Variants in MMP12 observed in about 807,000 individuals in gnomAD.
MMP12 encodes macrophage metalloelastase.
Under a neutral mutation model 45.2 loss-of-function variants are expected in MMP12, and 51 were observed. The ratio of observed to expected loss-of-function variants is 1.13; its 90% CI spans 0.90 to 1.42. MMP12 has a LOEUF of 1.42. Ranked by LOEUF, MMP12 falls within the 40% of genes most tolerant of loss-of-function variation. MMP12 has a pLI of 0.00. For synonymous variants in MMP12, 210 were observed against 193.3 expected (o/e 1.09, Z -0.72); for missense variants, 530 against 570.8 (o/e 0.93, Z 0.73).
chr11:102,872,474 G>A (rs1859517444), intron 2 of MMP12, among the ~76,000 whole-genome samples: 1 of 152,012 alleles, frequency 6.6e-6, no homozygotes, highest in South Asian at 2.1e-4. Flanking sequence ...CTGAGTAGCT[G>A]GGACTACAGG....
rs782451057 is a variant in MMP12 at position 102,873,090 on chromosome 11, C to T, written c.125G>A (p.Gly42Asp). The part of the protein sequence containing the change: ...FGERYLEKFY[G>D]LEINKLPVTK... ...CACTGGAAGTTTGTTTATCTCAAGGCCATAAAATTTTTCTAAGTATCTCTG... is the reference window on the plus strand; with the variant it reads ...CACTGGAAGTTTGTTTATCTCAAGGTCATAAAATTTTTCTAAGTATCTCTG... The change falls in exon 2 of 10, where the codon GGC (glycine) becomes GAC (aspartate). Residue 42 changes from glycine to aspartate, a missense_variant. Transcript: ENST00000571244. 2 of 1,611,794 alleles carry T rather than the reference C, an allele frequency of 1.2e-6. No homozygotes were observed. Among genetic ancestry groups the T allele is most frequent in the Non-Finnish European group, 1.7e-6 (2 of 1,179,074 alleles).
chr11:102,873,314 T>C (rs570990180), intron 1 of MMP12, among the ~76,000 whole-genome samples: 7 of 152,246 alleles, frequency 4.6e-5, no homozygotes, highest in African/African-American at 1.4e-4. Flanking sequence ...ATCAAAGACA[T>C]GTCAGCCAGG....
At chr11:102,866,265 A>C in intron 7 of MMP12, 50 bp downstream of exon 7, 2 of 1,492,522 alleles carry the variant, frequency 1.3e-6, no homozygotes, top group East Asian at 2.4e-5. Flanking sequence ...TTCTCAATTT[A>C]TTCTCTTCCT....
chr11:102,866,344 T>A lies in MMP12; in HGVS notation c.1016A>T (p.Glu339Val), dbSNP rs199854353. ...AAAAAGAAAAACTTGATTTCTGGCT[T>A]CAATTTCATAAGCAGCTTCAATGCC... is the stretch of plus-strand genomic sequence containing the variant. ...PSGIEAAYEI[E>V]ARNQVFLFKD... The change falls in exon 7 of 10, where the codon GAA becomes GTA. Residue 339 changes from glutamate (E) to valine (V), a missense_variant. Transcript: ENST00000571244. 1.7e-5 allele frequency: 27 copies of A among 1,592,082 alleles called. No individual in the cohort carries two copies. The South Asian group carries it at 3.1e-4, about 18-fold the overall frequency.
At chr11:102,864,523 G>A (rs1184370725) in intron 8 of MMP12, among the ~76,000 whole-genome samples, 1 of 152,102 alleles carries the variant, frequency 6.6e-6, no homozygotes, top group East Asian at 1.9e-4. Context: ...GGCATAGAAG[G>A]TGATTTGGCA....
chr11:102,870,635 A>C (rs576114682), intron 4 of MMP12, among the ~76,000 whole-genome samples: 1 of 152,166 alleles, frequency 6.6e-6, no homozygotes, highest in South Asian at 2.1e-4. Context: ...CATGCTAGTG[A>C]TTCCTCTAAA....
In MMP12 at chr11:102,865,685, G is replaced by C; in HGVS notation, c.1205+91C>G. On this transcript the variant is annotated intron_variant, in intron 8 of 9. Transcript: ENST00000571244. This position sits in a 1 kb window ranked among gnomAD's most constrained non-coding sequence, Gnocchi z 4.1. ...TCCCTGGAAGGTCAAGGAGCTTTGG[G>C]AATTTGCGCAGAAAATGTGCCTTCT... is the stretch of plus-strand genomic sequence containing the variant. 1 of 1,063,098 alleles carries C rather than the reference G, an allele frequency of 9.4e-7. No individual in the cohort carries two copies. The highest frequency in any genetic ancestry group is 1.3e-6 in the Non-Finnish European group (1 of 760,452). 65.9% of individuals were successfully genotyped at this position (1,063,098 alleles called of 1,614,324 possible). A position where few individuals can be genotyped will look rare whatever the true frequency, so the allele number is the denominator to read the frequency against.
intron 4 of MMP12, among the ~76,000 whole-genome samples, chr11:102,868,736 C>T (rs1406491753): frequency 6.6e-6 from 1 of 151,886 alleles, no homozygotes; most frequent in African/African-American, 2.4e-5. Context: ...AGTGCTTGAG[C>T]CAAGATTAAT....
At chr11:102,868,165 T>A in intron 4 of MMP12, 96 bp from the exon 5 acceptor site, 2 of 1,114,290 alleles carry the variant, frequency 1.8e-6, no homozygotes, top group South Asian at 1.5e-5. Flanking sequence ...GATTTGAGAA[T>A]CTTTTACTTA....
Position 102,864,221 on chromosome 11 carries a change from C to A in MMP12, c.1237G>T (p.Gly413Cys), listed in dbSNP as rs372537387. ...YDERRQMMDP[G>C]YPKLITKNFQ... ...TTCTTGGTAATCAGTTTGGGATAACCAGGGTCCATCATCTGTCTCCTTTCA... is the reference window on the plus strand; with the variant it reads ...TTCTTGGTAATCAGTTTGGGATAACAAGGGTCCATCATCTGTCTCCTTTCA... Residue 413 changes from glycine (G) to cysteine (C), a missense_variant, in exon 9 of 10, where the codon GGT (glycine) becomes TGT (cysteine). Gly to Cys is a radical substitution (Grantham distance 159). Transcript: ENST00000571244. 7 of 1,613,736 alleles carry A rather than the reference C, an allele frequency of 4.3e-6. No homozygotes were observed. In the Admixed American group the frequency reaches 1.2e-4, roughly 27 times the overall value.
chr11:102,872,789 C>T, intron 2 of MMP12, 76 bp downstream of exon 2: 1 of 1,490,288 alleles, frequency 6.7e-7, no homozygotes, highest in Middle Eastern at 1.8e-4. Flanking sequence ...AGATTTAGGG[C>T]TGTCTAACTG....
At chr11:102,867,215 A>G in intron 6 of MMP12, 55 bp downstream of exon 6, 1 of 1,394,244 alleles carries the variant, frequency 7.2e-7, no homozygotes, top group South Asian at 1.4e-5. Context: ...TTTTCTGACA[A>G]AAAAAATTTA....
At chr11:102,874,808 C>G (rs201658345) in intron 1 of MMP12, 28 bp downstream of exon 1, 11 of 1,363,156 alleles carry the variant, frequency 8.1e-6, no homozygotes, top group African/African-American at 1.4e-5. Context: ...ACATCAAGCT[C>G]GATAAATACT....
rs1555009583 is a variant in MMP12, at chr11:102,872,870, G to A, written c.345C>T (p.Thr115=). The change falls in exon 2 of 10, where the codon ACC becomes ACT. Residue 115 remains threonine (T), a synonymous_variant. Coordinates refer to ENST00000571244, the MANE Select transcript of MMP12 (RefSeq NM_002426.6). ...GGPVWRKHYI[T]YRINNYTPDM... is the part of the protein sequence containing the mutation. ...GCGACATACACCAACGTTACCTGTA[G>A]GTGATATAATGTTTCCTCCATACGG... 6.2e-7 allele frequency: 1 copy of A among 1,613,724 alleles called. No homozygotes were observed. Among genetic ancestry groups the A allele is most frequent in the Non-Finnish European group, 8.5e-7 (1 of 1,179,838 alleles).
At chr11:102,869,963 G>A (rs1859463967) in intron 4 of MMP12, among the ~76,000 whole-genome samples, 1 of 152,044 alleles carries the variant, frequency 6.6e-6, no homozygotes, top group Non-Finnish European at 1.5e-5. Flanking sequence ...AAAAACGGCT[G>A]AAAATAAGCA....
rs200531853 is a variant in MMP12 at position 102,865,910 on chromosome 11, A to C, written c.1071T>G (p.Asn357Lys). The C allele has an allele frequency of 6.2e-7, 1 of 1,612,472 alleles. No individual in the cohort carries two copies. Among genetic ancestry groups the C allele is most frequent in the Non-Finnish European group, 8.5e-7 (1 of 1,179,050 alleles). ...TGGGATAATTTGGCTCTGGTCTTAA[A>C]TTGCTAATTAACCAGTATTTGTCAT... ...FKDDKYWLIS[N>K]LRPEPNYPKS... Residue 357 changes from asparagine to lysine, a missense_variant, in exon 8 of 10, where the codon AAT becomes AAG. Coordinates refer to ENST00000571244, the MANE Select transcript of MMP12 (RefSeq NM_002426.6). The surrounding 1 kb of genome is among the most constrained non-coding windows in gnomAD (Gnocchi z 4.1).
chr11:102,871,492 T>G, intron 4 of MMP12, 102 bp downstream of exon 4: 1 of 1,361,880 alleles, frequency 7.3e-7, no homozygotes, highest in South Asian at 1.4e-5. Context: ...TTTGTCAGAA[T>G]GTAGTCTCTC....
rs563146004 is a variant in MMP12, at chr11:102,867,202, CT to C, written c.911+67del. 155 of 1,373,286 alleles carry C rather than the reference CT, an allele frequency of 1.1e-4. No individual in the cohort carries two copies. In the African/African-American group the frequency reaches 2.2e-3, roughly 19 times the overall value. The allele number at this position is 1,373,286 out of a possible 1,614,324, so 85.1% of individuals were successfully genotyped here. ...CTACTTCATTTTCAATTATTTTCCACTGTTTTCTGACAAAAAAAATTTAAAG... is the reference window on the plus strand; with the variant it reads ...CTACTTCATTTTCAATTATTTTCCACGTTTTCTGACAAAAAAAATTTAAAG... On this transcript the variant is annotated intron_variant, in intron 6 of 9. Transcript: ENST00000571244.
At position 102,872,928 on chromosome 11, in the gene MMP12, T is replaced by A. The variant is rs782373821; in HGVS notation, c.287A>T (p.Asp96Val). ...TGGCATTTCCCTGAAATGATGGACA[T>A]CGGGGACTCCACATCGAGGTGCGTG... The part of the protein sequence containing the change: ...MMHAPRCGVP[D>V]VHHFREMPGG... Residue 96 changes from aspartate (D) to valine (V), a missense_variant, in exon 2 of 10, where the codon GAT (aspartate) becomes GTT (valine). Asp to Val is a radical substitution (Grantham distance 152). Coordinates refer to ENST00000571244, the MANE Select transcript of MMP12 (RefSeq NM_002426.6). The A allele has an allele frequency of 6.2e-7, 1 of 1,613,808 alleles. No individual in the cohort carries two copies. Among genetic ancestry groups the A allele is most frequent in the Non-Finnish European group, 8.5e-7 (1 of 1,179,836 alleles).
Sources: gnomAD v4.1 joint callset for allele counts (sites outside exome capture counted in the v4.1 genomes callset) on GRCh38, gnomAD v4.1.1 for gene constraint, Gnocchi (gnomAD v3.1) non-coding constraint, MANE v1.5 for transcripts, NCBI Gene and HGNC (gene_info 2026-07-23, HGNC 2026-07-21) for gene names.